UBA3: variants seen among roughly 807,000 people sequenced by gnomAD.
UBA3 encodes the protein NEDD8-activating enzyme E1 catalytic subunit.
A neutral mutation model predicts 73.5 loss-of-function variants in UBA3; 26 were observed. The ratio of observed to expected loss-of-function variants is 0.35; its 90% confidence interval spans 0.26 to 0.49. UBA3 has a LOEUF of 0.49. Among genes scored for constraint, UBA3 ranks in the 20% least tolerant of loss-of-function variants. The pLI, the probability that UBA3 is intolerant of heterozygous loss-of-function variation, is 0.98. For missense variants in UBA3, 495 were observed against 555.6 expected (o/e 0.89, Z 1.10); for synonymous variants, 217 against 191.2 (o/e 1.13, Z -1.11).
intron 14 of UBA3, 129 bp from the exon 15 acceptor site, chr3:69,056,412 T>TA: frequency 1.1e-6 from 1 of 909,252 alleles, no homozygotes; most frequent in Non-Finnish European, 1.6e-6. Flanking sequence ...TTTTATGCTT[T>TA]AAAGCCTGCT....
chr3:69,074,119 C>G (rs2092144991), intron 4 of UBA3, among the ~76,000 whole-genome samples: 1 of 152,172 alleles, frequency 6.6e-6, no homozygotes, highest in Non-Finnish European at 1.5e-5. Context: ...ATCTTCAGAT[C>G]TAATCTTCAA....
At chr3:69,075,595 G>A (rs75211647) in intron 3 of UBA3, 85 bp from the exon 4 acceptor site, 2 of 729,222 alleles carry the variant, frequency 2.7e-6, no homozygotes. Context: ...AATAGTTTCT[G>A]ATGTTTCCAG....
At chr3:69,055,556 CA>C (rs745534867) in intron 17 of UBA3, 31 bp from the exon 18 acceptor site, 56 of 1,497,622 alleles carry the variant, frequency 3.7e-5, no homozygotes, top group Admixed American at 1.3e-4. Flanking sequence ...TTAATACAAG[CA>C]AAAAAAACTC....
At chr3:69,057,924 C>CTTTTTTTTTTTTTT (rs368333207) in intron 11 of UBA3, among the ~76,000 whole-genome samples, 1 of 115,474 alleles carries the variant, frequency 8.7e-6, no homozygotes, top group African/African-American at 3.3e-5. Context: ...CCACATTTTT[C>CTTTTTTTTTTTTTT]TTTTTTTTTT....
intron 3 of UBA3, among the ~76,000 whole-genome samples, chr3:69,075,922 G>T (rs1159058810): frequency 6.6e-6 from 1 of 151,838 alleles, no homozygotes; most frequent in Admixed American, 6.6e-5. Context: ...GTAGATACAG[G>T]GTTTCACCAT....
At position 69,077,831 on chromosome 3, in the gene UBA3, G is replaced by C; in HGVS notation, c.150C>G (p.Pro50=). The part of the protein sequence containing the change: ...HVKKFLERSG[P]FTHPDFEPST... ...TCGGTTCGAAATCAGGGTGTGTGAA[G>C]GGTCCAGATCGCTCGAGGAACTTCT... Residue 50 remains proline (P), a synonymous_variant, in exon 3 of 18, where the codon CCC becomes CCG. Transcript: ENST00000361055. 1.2e-6 allele frequency: 2 copies of C among 1,613,712 alleles called. No homozygotes were observed. Among genetic ancestry groups the C allele is most frequent in the Non-Finnish European group, 1.7e-6 (2 of 1,179,784 alleles).
intron 11 of UBA3, among the ~76,000 whole-genome samples, chr3:69,057,847 C>G (rs2091986930): frequency 6.6e-6 from 1 of 151,690 alleles, no homozygotes; most frequent in Non-Finnish European, 1.5e-5. Flanking sequence ...GAAAAGCTGC[C>G]CTTTATTATC....
At chr3:69,060,629 G>A (rs1180695851) in intron 11 of UBA3, among the ~76,000 whole-genome samples, 2 of 152,184 alleles carry the variant, frequency 1.3e-5, no homozygotes, top group African/African-American at 2.4e-5. Context: ...AGAACCTGAA[G>A]CTGTACAACA....
In UBA3 at chr3:69,063,153, G is replaced by A. The variant is rs1323386751; in HGVS notation, c.538-16C>T. The A allele has an allele frequency of 5.0e-6, 8 of 1,613,300 alleles. No homozygotes were observed. The highest frequency in any genetic ancestry group is 6.8e-6 in the Non-Finnish European group (8 of 1,179,646). On this transcript the variant is annotated splice_polypyrimidine_tract_variant and intron_variant, in intron 8 of 17. Coordinates refer to ENST00000361055, the MANE Select transcript of UBA3 (RefSeq NM_003968.4). Reference sequence around the variant, plus strand: ...GAAGAGATATCTAGGAAAACAATTTGAAGGGCTTTAAAGGAGAAGGGGATA... The same window carrying A: ...GAAGAGATATCTAGGAAAACAATTTAAAGGGCTTTAAAGGAGAAGGGGATA...
chr3:69,078,815 G>A (rs996668989), intron 2 of UBA3, among the ~76,000 whole-genome samples: 1 of 152,132 alleles, frequency 6.6e-6, no homozygotes, highest in Non-Finnish European at 1.5e-5. Flanking sequence ...CTGTGGGACG[G>A]CTTTTCTTGC....
At chr3:69,075,223 C>T (rs538551825) in intron 4 of UBA3, 10 of 214,552 alleles carry the variant, frequency 4.7e-5, no homozygotes, top group African/African-American at 1.6e-4. Context: ...TTATCAATAA[C>T]TTTATAGCTG....
chr3:69,057,446 C>T (rs2091983805), intron 11 of UBA3, 137 bp from the exon 12 acceptor site: 1 of 744,684 alleles, frequency 1.3e-6, no homozygotes. Context: ...TAAATTTAAC[C>T]ATGAAACAAT....
chr3:69,064,002 T>A, intron 7 of UBA3, 66 bp downstream of exon 7: 1 of 1,369,506 alleles, frequency 7.3e-7, no homozygotes. Flanking sequence ...CTAGCAATAT[T>A]TGAATAGCTA....
intron 11 of UBA3, 136 bp downstream of exon 11, chr3:69,061,678 A>C (rs181498706): frequency 3.0e-5 from 16 of 532,118 alleles, no homozygotes; most frequent in Non-Finnish European, 5.3e-5. Flanking sequence ...GCTAATAAGT[A>C]GTATGAATTA....
chr3:69,067,873 A>T, intron 6 of UBA3, 55 bp downstream of exon 6: 1 of 1,363,428 alleles, frequency 7.3e-7, no homozygotes, highest in East Asian at 2.4e-5. Context: ...ATCTCTTATA[A>T]TAAAGGAAAA....
chr3:69,062,295 T>C, intron 9 of UBA3, 116 bp from the exon 10 acceptor site: 2 of 702,422 alleles, frequency 2.8e-6, no homozygotes, highest in East Asian at 2.6e-5. Flanking sequence ...CTCAAAATAT[T>C]GTATACCATT....
At position 69,063,003 on chromosome 3, in the gene UBA3, C is replaced by T. The variant is rs200632131; in HGVS notation, c.672G>A (p.Thr224=). The change falls in exon 9 of 18, where the codon ACG becomes ACA. Residue 224 remains threonine (T), a synonymous_variant. Transcript: ENST00000361055. ...TTACCTGTGGTGGATAAAGTTCCAG[C>T]GTGCATTCGATACAAGCAGTCATTC... The part of the protein sequence containing the change: ...LPGMTACIEC[T]LELYPPQVNF... 6 of 1,613,916 alleles carry T rather than the reference C, an allele frequency of 3.7e-6. No individual in the cohort carries two copies. The South Asian group carries it at 4.4e-5, about 12-fold the overall frequency.
chr3:69,078,671 C>T (rs1356964961), intron 2 of UBA3, among the ~76,000 whole-genome samples: 2 of 152,056 alleles, frequency 1.3e-5, no homozygotes, highest in Admixed American at 6.5e-5. Flanking sequence ...ACGGGTTTCG[C>T]CATGTTGCAC....
chr3:69,076,148 G>A (rs2092164864), intron 3 of UBA3, among the ~76,000 whole-genome samples: 2 of 152,136 alleles, frequency 1.3e-5, no homozygotes, highest in Admixed American at 6.5e-5. Context: ...ATCAAATTCA[G>A]TTAACTGACT....
Sources: allele counts gnomAD v4.1 joint callset (sites outside exome capture counted in the v4.1 genomes callset), GRCh38; gene constraint gnomAD v4.1.1; transcripts MANE v1.5; gene names NCBI Gene and HGNC (gene_info 2026-07-23, HGNC 2026-07-21).